The following GRTP1 variants were observed in gnomAD, a reference collection of about 807,000 sequenced individuals.
GRTP1 encodes growth hormone regulated TBC protein 1, also known as growth hormone-regulated TBC protein 1.
Under a neutral mutation model 38.1 loss-of-function variants are expected in GRTP1, and 56 were observed. That is an observed-to-expected ratio of 1.47 (90% confidence interval 1.19 to 1.84). The LOEUF (loss-of-function observed/expected upper bound fraction) is 1.84, where lower values mean the gene tolerates loss of function less well. GRTP1 is among the 40% of genes most tolerant of loss of function. GRTP1 has a pLI of 0.00. For synonymous variants in GRTP1, 217 were observed against 189.5 expected (o/e 1.14, Z -1.19); for missense variants, 506 against 453.9 (o/e 1.11, Z -1.04).
chr13:113,355,290 C>T (rs374189632), intron 3 of GRTP1, 33 bp downstream of exon 3: 59 of 1,608,180 alleles, frequency 3.7e-5, no homozygotes, highest in Non-Finnish European at 4.4e-5. Context: ...GGCCCCCGGG[C>T]CCTGCACCAG....
At chr13:113,357,176 G>A (rs182326536) in intron 2 of GRTP1, among the ~76,000 whole-genome samples, 180 of 152,322 alleles carry the variant, frequency 1.2e-3, no homozygotes, top group African/African-American at 4.0e-3. Flanking sequence ...TGGACGCGGT[G>A]GCTCATGCCT....
At position 113,347,491 on chromosome 13, in the gene GRTP1, C is replaced by T. The variant is rs796081435; in HGVS notation, c.466-2532G>A. On this transcript the variant is annotated intron_variant, in intron 4 of 7. Coordinates refer to ENST00000375431, the MANE Select transcript of GRTP1 (RefSeq NM_024719.4). Reference sequence around the variant, plus strand: ...GTGGCCGAGAGCAGACCTGGGAGGACCTCTGTGGCCGAGAGCGGACCCAGG... The same window carrying T: ...GTGGCCGAGAGCAGACCTGGGAGGATCTCTGTGGCCGAGAGCGGACCCAGG... Among the ~76,000 whole-genome samples the T allele has an allele frequency of 1.3e-3, 60 of 44,552 alleles. 1 individual carries two copies. Among genetic ancestry groups the T allele is most frequent in the South Asian group, 0.011 (12 of 1,132 alleles). The allele number at this position is 44,552 out of a possible 152,430, so 29.2% of individuals were successfully genotyped here. A position where few individuals can be genotyped will look rare whatever the true frequency, so the allele number is the denominator to read the frequency against.
intron 4 of GRTP1, among the ~76,000 whole-genome samples, chr13:113,346,161 C>CCGAGAGCGGACCCAGGAGCACCTCTGTGG (rs1566429387): frequency 2.3e-5 from 1 of 42,934 alleles, no homozygotes; most frequent in African/African-American, 8.6e-5. Context: ...GACCTCTGTG[C>CCGAGAGCGGACCCAGGAGCACCTCTGTGG]CTGACAGTGG....
At chr13:113,324,830 T>A (rs1164667604) in intron 7 of GRTP1, 20 of 214,926 alleles carry the variant, frequency 9.3e-5, no homozygotes, top group South Asian at 1.5e-4. Flanking sequence ...TCCATTAGAC[T>A]TTTTTTTTTT....
intron 5 of GRTP1, 21 bp from the exon 6 acceptor site, chr13:113,326,112 A>G (rs1160716411): frequency 1.9e-6 from 3 of 1,602,794 alleles, no homozygotes; most frequent in Admixed American, 1.7e-5. Flanking sequence ...ATGTGGAGAA[A>G]AGACCCCGAG....
intron 5 of GRTP1, among the ~76,000 whole-genome samples, chr13:113,337,831 G>C (rs546312012): frequency 6.6e-6 from 1 of 152,238 alleles, no homozygotes; most frequent in Admixed American, 6.5e-5. Flanking sequence ...ACGCACCTCC[G>C]ATGTGGCAAT....
intron 5 of GRTP1, 90 bp from the exon 6 acceptor site, chr13:113,326,181 C>T: frequency 6.6e-7 from 1 of 1,509,538 alleles, no homozygotes; most frequent in Non-Finnish European, 8.9e-7. Flanking sequence ...GACAACAGGG[C>T]CACCCTGGGA....
rs61966590 is a variant in GRTP1 at position 113,346,103 on chromosome 13, C to T, written c.466-1144G>A. ...GCAGACCTGGGAAGACATCTGTGGC[C>T]GAGAACAGACCCGGGAGGACCTCTG... On this transcript the variant is annotated intron_variant, in intron 4 of 7. Coordinates refer to ENST00000375431, the MANE Select transcript of GRTP1 (RefSeq NM_024719.4). Among the ~76,000 whole-genome samples, 426 of 45,554 alleles carry T rather than the reference C, an allele frequency of 9.4e-3. 101 individuals are homozygous for T. Among genetic ancestry groups the T allele is most frequent in the Admixed American group, 0.014 (57 of 3,968 alleles). 29.9% of individuals were successfully genotyped at this position (45,554 alleles called of 152,430 possible). A position where few individuals can be genotyped will look rare whatever the true frequency, so the allele number is the denominator to read the frequency against.
intron 4 of GRTP1, among the ~76,000 whole-genome samples, chr13:113,346,198 G>GGACCTCTGTGGCTGA (rs1566429536): frequency 1.2e-5 from 1 of 80,906 alleles, no homozygotes; most frequent in African/African-American, 5.8e-5. Context: ...GTGGCTGAGA[G>GGACCTCTGTGGCTGA]CAGACCCGGG....
intron 5 of GRTP1, among the ~76,000 whole-genome samples, chr13:113,331,936 C>T (rs956079812): frequency 6.6e-6 from 1 of 150,698 alleles, no homozygotes; most frequent in Non-Finnish European, 1.5e-5. Flanking sequence ...AGATTACAGG[C>T]GTGACCCACC....
Position 113,346,069 on chromosome 13 carries a change from T to TGTG in GRTP1, c.466-1111_466-1110insCAC, listed in dbSNP as rs2139459203. On this transcript the variant is annotated intron_variant, in intron 4 of 7. Transcript: ENST00000375431. ...CCGAGAGCAGACCCGGGAGGACCTC[T>TGTG]GCGGCTGAGCAGACCTGGGAAGACA... Among the ~76,000 whole-genome samples the TGTG allele has an allele frequency of 6.7e-5, 6 of 89,792 alleles. 2 individuals carry two copies. The highest frequency in any genetic ancestry group is 7.3e-4 in the East Asian group (2 of 2,724). The allele number at this position is 89,792 out of a possible 152,430, so 58.9% of individuals were successfully genotyped here. A position where few individuals can be genotyped will look rare whatever the true frequency, so the allele number is the denominator to read the frequency against.
chr13:113,324,251 TATTG>T lies in GRTP1; in HGVS notation c.*233_*236del, dbSNP rs1375238684. The T allele has an allele frequency of 8.3e-6, 4 of 480,056 alleles. No homozygotes were observed. The highest frequency in any genetic ancestry group is 1.4e-5 in the Non-Finnish European group (4 of 289,408). 29.7% of individuals were successfully genotyped at this position (480,056 alleles called of 1,614,324 possible). Reference sequence around the variant, plus strand: ...AAACCCACACTCACATTTTATATATTATTGATCTCTCAGGTAAAAATAAGTTTTC... The same window carrying T: ...AAACCCACACTCACATTTTATATATTATCTCTCAGGTAAAAATAAGTTTTC... On this transcript the variant is annotated 3_prime_UTR_variant, in exon 8 of 8. Coordinates refer to ENST00000375431, the MANE Select transcript of GRTP1 (RefSeq NM_024719.4).
At chr13:113,357,552 G>A (rs773148672) in intron 2 of GRTP1, among the ~76,000 whole-genome samples, 1 of 151,880 alleles carries the variant, frequency 6.6e-6, no homozygotes, top group Non-Finnish European at 1.5e-5. Flanking sequence ...TTGGTTTACG[G>A]TTTATTCACA....
At position 113,325,644 on chromosome 13, in the gene GRTP1, C is replaced by T. The variant is rs1247718449; in HGVS notation, c.921+17G>A. 42 of 1,604,790 alleles carry T rather than the reference C, an allele frequency of 2.6e-5. No homozygotes were observed. Among genetic ancestry groups the T allele is most frequent in the South Asian group, 1.1e-4 (10 of 91,080 alleles). ...GGCCCCCTGGGAGGGGACTGAGCCA[C>T]GTGCAGCCCCACACACCTGCATAAA... On this transcript the variant is annotated intron_variant, in intron 7 of 7. Coordinates refer to ENST00000375431, the MANE Select transcript of GRTP1 (RefSeq NM_024719.4).
At chr13:113,340,719 G>A (rs2043014731) in intron 5 of GRTP1, among the ~76,000 whole-genome samples, 1 of 152,076 alleles carries the variant, frequency 6.6e-6, no homozygotes, top group Non-Finnish European at 1.5e-5. Flanking sequence ...GGCGGAGCTT[G>A]CAGTGAGCCG....
intron 2 of GRTP1, among the ~76,000 whole-genome samples, chr13:113,358,086 G>A (rs2139532565): frequency 6.6e-6 from 1 of 152,304 alleles, no homozygotes; most frequent in Non-Finnish European, 1.5e-5. Flanking sequence ...GGAGGCTGAG[G>A]CAGGAGAATC....
chr13:113,328,113 G>A (rs1230506799), intron 5 of GRTP1, among the ~76,000 whole-genome samples: 1 of 152,192 alleles, frequency 6.6e-6, no homozygotes. Context: ...AGGCTGAGGC[G>A]CAGGCACTGA....
At chr13:113,330,281 G>T (rs1483232467) in intron 5 of GRTP1, among the ~76,000 whole-genome samples, 2 of 131,720 alleles carry the variant, frequency 1.5e-5, no homozygotes, top group South Asian at 2.6e-4. Flanking sequence ...GCCCAGGTGT[G>T]TGCGTGGAAA....
rs2043041978 is a variant in GRTP1 at position 113,342,643 on chromosome 13, G to GA, written c.562+2219dup. The stretch of plus-strand genomic sequence containing the variant: ...ACCTAGTTTGGGTAACTATAACTTC[G>GA]AGGATGGATTTTAGAGCAGGATGAC... On this transcript the variant is annotated intron_variant, in intron 5 of 7. Coordinates refer to ENST00000375431, the MANE Select transcript of GRTP1 (RefSeq NM_024719.4). The surrounding 1 kb of genome is among the most constrained non-coding windows in gnomAD (Gnocchi z 4.5). Among the ~76,000 whole-genome samples the GA allele has an allele frequency of 2.0e-5, 3 of 152,066 alleles. 1 individual carries two copies. The highest frequency in any genetic ancestry group is 1.3e-4 in the Admixed American group (2 of 15,270).
Sources: allele counts gnomAD v4.1 joint callset (sites outside exome capture counted in the v4.1 genomes callset), GRCh38; gene constraint gnomAD v4.1.1; non-coding constraint Gnocchi (gnomAD v3.1); transcripts MANE v1.5; gene names NCBI Gene and HGNC (gene_info 2026-07-23, HGNC 2026-07-21).